The following AR variants were observed in gnomAD, a reference collection of about 807,000 sequenced individuals.
The protein encoded by AR is dihydrotestosterone receptor.
Under a neutral mutation model 53.9 loss-of-function variants are expected in AR, and 8 were observed. The ratio of observed to expected loss-of-function variants is 0.15; its 90% CI spans 0.09 to 0.27. AR has a LOEUF of 0.27. AR is among the 10% of genes least tolerant of loss of function. The pLI, the probability that AR is intolerant of heterozygous loss-of-function variation, is 1.00. For synonymous variants in AR, 359 were observed against 316.4 expected, an observed-to-expected ratio of 1.13 and a Z score of -1.43; for missense variants, 639 against 742.5, an observed-to-expected ratio of 0.86 and a Z score of 1.62.
chrX:67,667,041 T>A (rs756006575), intron 2 of AR, among the ~76,000 whole-genome samples: 52 of 111,311 alleles, frequency 4.7e-4, no homozygotes, highest in African/African-American at 1.6e-3. Context: ...ATCGAATCAC[T>A]TGCTGTGCAG....
chrX:67,570,964 A>T (rs747540163), intron 1 of AR, among the ~76,000 whole-genome samples: 3 of 110,392 alleles, frequency 2.7e-5, no homozygotes, highest in Non-Finnish European at 5.7e-5. Flanking sequence ...GATGGAGTGC[A>T]CAGGAAATGG....
At chrX:67,566,072 T>A (rs1031657334) in intron 1 of AR, among the ~76,000 whole-genome samples, 1 of 112,489 alleles carries the variant, frequency 8.9e-6, no homozygotes, top group Non-Finnish European at 1.9e-5. Flanking sequence ...AATGAGTATA[T>A]ATGTCATTTG....
At position 67,680,758 on chromosome X, in the gene AR, G is replaced by C. The variant is rs1393188409; in HGVS notation, c.1769-5252G>C. The C allele has an allele frequency of 1.2e-5, 4 of 330,783 alleles. No individual in the cohort carries two copies. In the Admixed American group the frequency reaches 1.2e-4, roughly 10 times the overall value. The allele number at this position is 330,783 out of a possible 1,213,427, so 27.3% of individuals were successfully genotyped here. ...GAACAAATTAAAAGAATCATAATCA[G>C]ACACTAACCCCAAGCCATACTGCAT... is the stretch of plus-strand genomic sequence containing the variant. On this transcript the variant is annotated intron_variant, in intron 2 of 7. Transcript: ENST00000374690.
intron 2 of AR, among the ~76,000 whole-genome samples, chrX:67,674,586 A>G (rs2075887902): frequency 9.0e-6 from 1 of 110,963 alleles, no homozygotes; most frequent in Non-Finnish European, 1.9e-5. Flanking sequence ...CACCACCCCC[A>G]TGTTCATGGC....
At chrX:67,586,240 T>C (rs1922541748) in intron 1 of AR, among the ~76,000 whole-genome samples, 2 of 111,796 alleles carry the variant, frequency 1.8e-5, no homozygotes, top group African/African-American at 3.3e-5. Flanking sequence ...TTTCATTTCC[T>C]TCTACTTTTT....
intron 1 of AR, among the ~76,000 whole-genome samples, chrX:67,564,210 A>G (rs1433214479): frequency 1.8e-5 from 2 of 111,522 alleles, no homozygotes; most frequent in Non-Finnish European, 3.8e-5. Flanking sequence ...GGTATATTTA[A>G]AGATCTGCTG....
intron 1 of AR, among the ~76,000 whole-genome samples, chrX:67,628,492 C>G (rs750492553): frequency 1.8e-5 from 2 of 108,139 alleles, no homozygotes; most frequent in Admixed American, 2.0e-4. Flanking sequence ...ATTTTGTATC[C>G]TGAGACTTTG....
chrX:67,563,364 T>C (rs780185697), intron 1 of AR, among the ~76,000 whole-genome samples: 1 of 112,048 alleles, frequency 8.9e-6, no homozygotes, highest in Non-Finnish European at 1.9e-5. Context: ...GAGTTTCAGT[T>C]TCTTCATTTC....
chrX:67,649,400 T>C (rs1926222812), intron 2 of AR, among the ~76,000 whole-genome samples: 1 of 112,265 alleles, frequency 8.9e-6, no homozygotes, highest in Non-Finnish European at 1.9e-5. Context: ...AGTAATGGGA[T>C]GGCTGGGTCA....
At chrX:67,594,621 T>G (rs985355991) in intron 1 of AR, among the ~76,000 whole-genome samples, 4 of 111,463 alleles carry the variant, frequency 3.6e-5, no homozygotes, top group African/African-American at 9.8e-5. Context: ...GTCTTCAGAG[T>G]CCTCTTCCTA....
At chrX:67,688,658 G>A (rs770036671) in intron 3 of AR, among the ~76,000 whole-genome samples, 1 of 111,330 alleles carries the variant, frequency 9.0e-6, no homozygotes, top group African/African-American at 3.3e-5. Flanking sequence ...AGTAATTAAG[G>A]GAATCATATG....
chrX:67,604,536 G>A (rs1325113499), intron 1 of AR, among the ~76,000 whole-genome samples: 1 of 110,979 alleles, frequency 9.0e-6, no homozygotes, highest in African/African-American at 3.3e-5. Context: ...AAACTGATCT[G>A]TTGGGAAATG....
chrX:67,706,174 G>A (rs2076066339), intron 3 of AR, among the ~76,000 whole-genome samples: 1 of 111,886 alleles, frequency 8.9e-6, no homozygotes, highest in Non-Finnish European at 1.9e-5. Flanking sequence ...ATGAGTTAGG[G>A]AGGATTCCCT....
intron 2 of AR, among the ~76,000 whole-genome samples, chrX:67,669,368 T>C (rs192942772): frequency 8.0e-5 from 9 of 111,812 alleles, no homozygotes; most frequent in East Asian, 2.8e-4. Flanking sequence ...CCTCTTGTTA[T>C]TGATTTCTAG....
chrX:67,604,583 G>A (rs369106673), intron 1 of AR, among the ~76,000 whole-genome samples: 3 of 111,071 alleles, frequency 2.7e-5, no homozygotes, highest in Non-Finnish European at 3.8e-5. Context: ...TGTAACATGC[G>A]ATCACAGGAC....
At chrX:67,708,402 A>G (rs1402300528) in intron 3 of AR, among the ~76,000 whole-genome samples, 4 of 111,425 alleles carry the variant, frequency 3.6e-5, no homozygotes, top group Admixed American at 9.6e-5. Flanking sequence ...TTGATCTTCA[A>G]TCACTGATAC....
chrX:67,637,808 T>G (rs1393619621), intron 1 of AR, among the ~76,000 whole-genome samples: 1 of 111,446 alleles, frequency 9.0e-6, no homozygotes, highest in African/African-American at 3.3e-5. Flanking sequence ...GTTTCCATTT[T>G]GTTTATCTGA....
chrX:67,592,262 GGTAA>G (rs1922866041), intron 1 of AR, among the ~76,000 whole-genome samples: 1 of 112,036 alleles, frequency 8.9e-6, no homozygotes, highest in Non-Finnish European at 1.9e-5. Flanking sequence ...CTGAACAATA[GGTAA>G]GAGTGTCAAC....
intron 1 of AR, among the ~76,000 whole-genome samples, chrX:67,553,373 G>T (rs1930067839): frequency 8.9e-6 from 1 of 112,012 alleles, no homozygotes; most frequent in Non-Finnish European, 1.9e-5. Context: ...AAATGTGAGG[G>T]TTTAATTGTG....
Sources: gnomAD v4.1 joint callset for allele counts (sites outside exome capture counted in the v4.1 genomes callset) on GRCh38, gnomAD v4.1.1 for gene constraint, MANE v1.5 for transcripts, NCBI Gene and HGNC (gene_info 2026-07-23, HGNC 2026-07-21) for gene names.